Variants in DOCK4 observed in about 807,000 individuals in gnomAD.
The protein encoded by DOCK4 is dedicator of cytokinesis protein 4.
A neutral mutation model predicts 268.1 loss-of-function variants in DOCK4; 97 were observed. That is an observed-to-expected ratio of 0.36 (90% CI 0.31 to 0.43). The LOEUF (loss-of-function observed/expected upper bound fraction) is 0.43. Among genes scored for constraint, DOCK4 ranks in the 20% least tolerant of loss-of-function variants. The pLI, the probability that DOCK4 is intolerant of heterozygous loss-of-function variation, is 1.00. For synonymous variants in DOCK4, 954 were observed against 887.2 expected, an observed-to-expected ratio of 1.08 and a Z score of -1.34; for missense variants, 2,145 against 2,455.7, an observed-to-expected ratio of 0.87 and a Z score of 2.67.
rs139289867 is a variant in DOCK4, at chr7:112,174,440, A to G, written c.37+31662T>C. On this transcript the variant is annotated intron_variant, in intron 1 of 52. Coordinates refer to ENST00000428084, the MANE Select transcript of DOCK4 (RefSeq NM_001363540.2). ...TGGAGTCATCTTGCACAAAATCACA[A>G]GCATACTGATTTTCTGCCTTTATCT... is the stretch of plus-strand genomic sequence containing the variant. Among the ~76,000 whole-genome samples, 167 of 152,188 alleles carry G rather than the reference A, an allele frequency of 1.1e-3. 1 individual carries two copies. Among genetic ancestry groups the G allele is most frequent in the African/African-American group, 3.6e-3 (149 of 41,530 alleles).
At position 111,838,084 on chromosome 7, in the gene DOCK4, C is replaced by A. The variant is rs1803372664; in HGVS notation, c.2737-3398G>T. 2.9e-5 allele frequency among the ~76,000 whole-genome samples: 3 copies of A among 102,732 alleles called. No individual in the cohort carries two copies. In the South Asian group the frequency reaches 9.3e-4, roughly 32 times the overall value. 67.4% of individuals were successfully genotyped at this position (102,732 alleles called of 152,430 possible). A position where few individuals can be genotyped will look rare whatever the true frequency, so the allele number is the denominator to read the frequency against. On this transcript the variant is annotated intron_variant, in intron 25 of 52. Transcript: ENST00000428084. ...ATGGGTGACATTAGCGAAACCCTAC[C>A]TCAAAAAAAAAAAAAAAAAAAAAAA...
rs564869981 is a variant in DOCK4, at chr7:111,939,665, T to C, written c.977+445A>G. On this transcript the variant is annotated intron_variant, in intron 11 of 52. Transcript: ENST00000428084. The stretch of plus-strand genomic sequence containing the variant: ...AATTGCAACCTCAGGCATAAATGGG[T>C]TAAGCCATGCAGTTTGTGGTACTTG... 2.8e-4 allele frequency among the ~76,000 whole-genome samples: 42 copies of C among 152,228 alleles called. No homozygotes were observed. In the South Asian group the frequency reaches 6.0e-3, roughly 22 times the overall value.
At chr7:111,823,195 G>C (rs1258808365) in intron 26 of DOCK4, among the ~76,000 whole-genome samples, 1 of 146,816 alleles carries the variant, frequency 6.8e-6, no homozygotes, top group Non-Finnish European at 1.5e-5. Context: ...ATCAGACATG[G>C]AAATATTACT....
intron 1 of DOCK4, among the ~76,000 whole-genome samples, chr7:112,168,432 A>C (rs550440158): frequency 2.6e-5 from 4 of 152,322 alleles, no homozygotes; most frequent in Non-Finnish European, 4.4e-5. Context: ...AACACAGTTA[A>C]CGAGCCAGGC....
chr7:111,870,711 G>A (rs1806353388), intron 20 of DOCK4, among the ~76,000 whole-genome samples: 1 of 152,112 alleles, frequency 6.6e-6, no homozygotes, highest in Non-Finnish European at 1.5e-5. Context: ...AGATGTTGGT[G>A]GAGTGCTATT....
At chr7:112,182,024 A>G (rs1819094929) in intron 1 of DOCK4, among the ~76,000 whole-genome samples, 2 of 152,206 alleles carry the variant, frequency 1.3e-5, no homozygotes, top group Non-Finnish European at 1.5e-5. Context: ...GCTGTCAAGT[A>G]TAACATTTAA....
chr7:112,039,885 C>T (rs1323662269), intron 1 of DOCK4, among the ~76,000 whole-genome samples: 1 of 152,088 alleles, frequency 6.6e-6, no homozygotes, highest in Non-Finnish European at 1.5e-5. Flanking sequence ...TCACCTAGAC[C>T]TCTATACTCG....
intron 16 of DOCK4, among the ~76,000 whole-genome samples, chr7:111,891,630 A>C (rs1213432938): frequency 1.3e-5 from 2 of 152,178 alleles, no homozygotes; most frequent in Non-Finnish European, 2.9e-5. Flanking sequence ...GCTGAGTTGA[A>C]GGATATACAC....
At chr7:112,145,572 A>C (rs922235757) in intron 1 of DOCK4, among the ~76,000 whole-genome samples, 3 of 152,208 alleles carry the variant, frequency 2.0e-5, no homozygotes, top group Non-Finnish European at 2.9e-5. Flanking sequence ...CCAAACGGAC[A>C]TACCATTTCT....
At chr7:111,773,806 TAGG>T (rs2133701034) in intron 36 of DOCK4, among the ~76,000 whole-genome samples, 1 of 151,516 alleles carries the variant, frequency 6.6e-6, no homozygotes, top group Non-Finnish European at 1.5e-5. Context: ...CTTCTGAGCT[TAGG>T]AGTTCGAGAC....
chr7:112,128,399 C>G (rs1240901395), intron 1 of DOCK4, among the ~76,000 whole-genome samples: 1 of 152,178 alleles, frequency 6.6e-6, no homozygotes, highest in African/African-American at 2.4e-5. Flanking sequence ...GCCAGGCCAC[C>G]ACCCCGTCTG....
intron 37 of DOCK4, among the ~76,000 whole-genome samples, chr7:111,769,270 T>C (rs1488184627): frequency 1.3e-5 from 2 of 152,162 alleles, no homozygotes; most frequent in African/African-American, 2.4e-5. Context: ...AGGGTCCTTG[T>C]TAAAATCACA....
intron 1 of DOCK4, among the ~76,000 whole-genome samples, chr7:112,102,015 G>A (rs1810746381): frequency 6.6e-6 from 1 of 152,012 alleles, no homozygotes; most frequent in African/African-American, 2.4e-5. Context: ...GCTAATTTTA[G>A]TAGAGATGGG....
At position 111,728,170 on chromosome 7, in the gene DOCK4, G is replaced by T; in HGVS notation, c.*104C>A. 1 of 825,124 alleles carries T rather than the reference G, an allele frequency of 1.2e-6. No individual in the cohort carries two copies. 51.1% of individuals were successfully genotyped at this position (825,124 alleles called of 1,614,324 possible). ...GCAAGTTTTAATTCCATTCATCGAA[G>T]GAGCTGAGTAAGTTATTAAAGTGCC... On this transcript the variant is annotated 3_prime_UTR_variant, in exon 53 of 53. Coordinates refer to ENST00000428084, the MANE Select transcript of DOCK4 (RefSeq NM_001363540.2).
intron 1 of DOCK4, among the ~76,000 whole-genome samples, chr7:112,109,354 T>C (rs2729549): frequency 0.24 from 36,035 of 152,066 alleles, 4,543 homozygotes; most frequent in Middle Eastern, 0.41. Flanking sequence ...CCAGAGGACA[T>C]AGAGCACTGG....
At chr7:111,959,484 A>G (rs1463491380) in intron 8 of DOCK4, among the ~76,000 whole-genome samples, 1 of 152,190 alleles carries the variant, frequency 6.6e-6, no homozygotes, top group African/African-American at 2.4e-5. Flanking sequence ...CGATCATGCT[A>G]TACATTTTAA....
At chr7:111,737,944 C>T (rs530457700) in intron 49 of DOCK4, among the ~76,000 whole-genome samples, 1 of 152,140 alleles carries the variant, frequency 6.6e-6, no homozygotes, top group South Asian at 2.1e-4. Flanking sequence ...CTGGGACTTT[C>T]GGGAGGATCA....
intron 1 of DOCK4, among the ~76,000 whole-genome samples, chr7:112,047,544 T>C (rs963591875): frequency 6.6e-6 from 1 of 152,180 alleles, no homozygotes; most frequent in African/African-American, 2.4e-5. Flanking sequence ...TTTAGAGATT[T>C]TGTAAAAACT....
At chr7:111,888,941 T>C (rs1808067506) in intron 16 of DOCK4, among the ~76,000 whole-genome samples, 1 of 151,964 alleles carries the variant, frequency 6.6e-6, no homozygotes, top group Non-Finnish European at 1.5e-5. Flanking sequence ...GAAGAGGGGC[T>C]CTCTACTCCA....
Sources: gnomAD v4.1 joint callset for allele counts (sites outside exome capture counted in the v4.1 genomes callset) on GRCh38, gnomAD v4.1.1 for gene constraint, MANE v1.5 for transcripts, NCBI Gene and HGNC (gene_info 2026-07-23, HGNC 2026-07-21) for gene names.